Variants in MACROD2 observed in about 807,000 individuals in gnomAD.
MACROD2 encodes mono-ADP ribosylhydrolase 2.
MACROD2 carries 36 observed loss-of-function variants against 70.4 expected under a neutral mutation model. That is an observed-to-expected ratio of 0.51 (90% CI 0.39 to 0.68). MACROD2 has a LOEUF of 0.68. MACROD2 is among the 30% of genes least tolerant of loss of function. MACROD2 has a pLI of 0.00. For synonymous variants in MACROD2, 172 were observed against 178.8 expected (o/e 0.96, Z 0.30); for missense variants, 496 against 538.4 (o/e 0.92, Z 0.78).
chr20:15,696,242 T>C (rs938329938), intron 8 of MACROD2, among the ~76,000 whole-genome samples: 2 of 152,226 alleles, frequency 1.3e-5, no homozygotes, highest in African/African-American at 4.8e-5. Flanking sequence ...GCTGAGAGTT[T>C]TAATCATAAA....
intron 4 of MACROD2, among the ~76,000 whole-genome samples, chr20:14,565,825 T>A (rs376291013): frequency 2.5e-4 from 38 of 152,022 alleles, no homozygotes; most frequent in African/African-American, 8.2e-4. Flanking sequence ...ATGCAGTGTA[T>A]CATCTGGGCC....
intron 2 of MACROD2, among the ~76,000 whole-genome samples, chr20:14,039,952 T>G (rs1454484794): frequency 6.6e-6 from 1 of 152,154 alleles, no homozygotes; most frequent in East Asian, 1.9e-4. Context: ...TAGAGTGACA[T>G]AAATGTCTTC....
intron 3 of MACROD2, among the ~76,000 whole-genome samples, chr20:14,098,285 T>C (rs1396654521): frequency 6.6e-6 from 1 of 152,230 alleles, no homozygotes; most frequent in Non-Finnish European, 1.5e-5. Flanking sequence ...GCTGTGACAG[T>C]ATTTACTTGA....
At chr20:16,031,861 CTG>C (rs2067156201) in intron 15 of MACROD2, among the ~76,000 whole-genome samples, 1 of 151,848 alleles carries the variant, frequency 6.6e-6, no homozygotes, top group Non-Finnish European at 1.5e-5. Flanking sequence ...TAAATGAAAA[CTG>C]AGATGAGAGA....
At chr20:15,207,253 A>T (rs188096641) in intron 5 of MACROD2, among the ~76,000 whole-genome samples, 253 of 152,204 alleles carry the variant, frequency 1.7e-3, no homozygotes, top group South Asian at 0.016. Context: ...TGGTCTGCTC[A>T]TGACAAATTA....
intron 3 of MACROD2, among the ~76,000 whole-genome samples, chr20:14,159,093 C>T (rs1486229917): frequency 6.6e-6 from 1 of 152,002 alleles, no homozygotes; most frequent in Non-Finnish European, 1.5e-5. Flanking sequence ...AAAAAACTAG[C>T]TGGGTGTGGT....
At chr20:14,190,125 G>A (rs2081372847) in intron 3 of MACROD2, among the ~76,000 whole-genome samples, 1 of 152,082 alleles carries the variant, frequency 6.6e-6, no homozygotes, top group African/African-American at 2.4e-5. Context: ...TCAGACTCTG[G>A]CACTCATGAA....
At chr20:14,230,669 C>A (rs1187673361) in intron 3 of MACROD2, among the ~76,000 whole-genome samples, 2 of 92,916 alleles carry the variant, frequency 2.2e-5, no homozygotes, top group Admixed American at 1.2e-4. Context: ...CAGGCTGGGC[C>A]TATATATATA....
intron 8 of MACROD2, among the ~76,000 whole-genome samples, chr20:15,653,129 G>A (rs1035562575): frequency 6.6e-6 from 1 of 152,050 alleles, no homozygotes; most frequent in Admixed American, 6.6e-5. Flanking sequence ...CTAAACTTTT[G>A]GACTTCTATC....
intron 4 of MACROD2, among the ~76,000 whole-genome samples, chr20:14,622,216 A>C (rs1983871465): frequency 6.6e-6 from 1 of 152,168 alleles, no homozygotes. Flanking sequence ...ATCTACATAC[A>C]TGCCTTTAGT....
At chr20:14,051,723 T>C (rs893000403) in intron 2 of MACROD2, 1 of 392,004 alleles carries the variant, frequency 2.6e-6, no homozygotes, top group Admixed American at 3.2e-5. Flanking sequence ...TCAAAAGGTA[T>C]ATCCTGGTGG....
intron 6 of MACROD2, among the ~76,000 whole-genome samples, chr20:15,241,784 A>G (rs2077062158): frequency 6.7e-6 from 1 of 149,944 alleles, no homozygotes; most frequent in Non-Finnish European, 1.5e-5. Flanking sequence ...AAAAAAAAGG[A>G]ATAGCTCAAA....
chr20:14,307,324 A>G (rs2082529418), intron 3 of MACROD2, among the ~76,000 whole-genome samples: 1 of 152,160 alleles, frequency 6.6e-6, no homozygotes, highest in South Asian at 2.1e-4. Context: ...CATAACATGG[A>G]TAGGTGAGAG....
At chr20:14,886,815 A>G (rs1251501776) in intron 5 of MACROD2, among the ~76,000 whole-genome samples, 3 of 152,200 alleles carry the variant, frequency 2.0e-5, no homozygotes, top group Non-Finnish European at 4.4e-5. Flanking sequence ...AAATGAAGTA[A>G]GAACAGAAAG....
chr20:14,745,333 G>C (rs1245594454), intron 5 of MACROD2, among the ~76,000 whole-genome samples: 1 of 152,144 alleles, frequency 6.6e-6, no homozygotes, highest in Non-Finnish European at 1.5e-5. Flanking sequence ...GTCTATATTT[G>C]TATAGGCCTA....
chr20:15,447,080 G>GTGTGTGTGTGTC (rs1159210311), intron 7 of MACROD2, among the ~76,000 whole-genome samples: 118 of 146,926 alleles, frequency 8.0e-4, no homozygotes, highest in Middle Eastern at 7.0e-3. Context: ...GTGTGTGTGT[G>GTGTGTGTGTGTC]TGTGTGTCTG....
chr20:14,856,130 C>T (rs1171686313), intron 5 of MACROD2, among the ~76,000 whole-genome samples: 1 of 152,048 alleles, frequency 6.6e-6, no homozygotes, highest in African/African-American at 2.4e-5. Context: ...ATGCTTCCTG[C>T]CCCCTCTATG....
At chr20:14,752,889 T>C (rs1026922556) in intron 5 of MACROD2, among the ~76,000 whole-genome samples, 1 of 152,120 alleles carries the variant, frequency 6.6e-6, no homozygotes, top group East Asian at 1.9e-4. Context: ...GAGTGTATGA[T>C]TGAGTTTGCC....
chr20:15,200,725 T>C (rs930196600), intron 5 of MACROD2, among the ~76,000 whole-genome samples: 2 of 152,216 alleles, frequency 1.3e-5, no homozygotes, highest in Non-Finnish European at 2.9e-5. Context: ...ATCTAACTGG[T>C]ATTTGTTTAA....
Sources: gnomAD v4.1 joint callset for allele counts (sites outside exome capture counted in the v4.1 genomes callset) on GRCh38, gnomAD v4.1.1 for gene constraint, MANE v1.5 for transcripts, NCBI Gene and HGNC (gene_info 2026-07-23, HGNC 2026-07-21) for gene names.